PTPRO: variants seen among roughly 807,000 people sequenced by gnomAD.
PTPRO encodes receptor-type tyrosine-protein phosphatase O.
A neutral mutation model predicts 145.2 loss-of-function variants in PTPRO; 62 were observed. The observed-to-expected ratio is 0.43, with a 90% CI of 0.35 to 0.53. The LOEUF (loss-of-function observed/expected upper bound fraction) is 0.53, where lower values mean the gene tolerates loss of function less well. Among genes scored for constraint, PTPRO ranks in the 20% least tolerant of loss-of-function variants. The pLI is 0.01. For missense variants in PTPRO, 1,345 were observed against 1,482.7 expected, an observed-to-expected ratio of 0.91 and a Z score of 1.53; for synonymous variants, 565 against 514.7, an observed-to-expected ratio of 1.10 and a Z score of -1.32.
At chr12:15,533,703 T>C (rs1279775146) in intron 12 of PTPRO, among the ~76,000 whole-genome samples, 2 of 152,204 alleles carry the variant, frequency 1.3e-5, no homozygotes, top group Admixed American at 1.3e-4. Context: ...TTTATGTTTC[T>C]TCCCAGCATT....
chr12:15,464,927 T>A (rs552378916), intron 1 of PTPRO, among the ~76,000 whole-genome samples: 199 of 152,346 alleles, frequency 1.3e-3, no homozygotes, highest in Non-Finnish European at 2.6e-3. Flanking sequence ...AAATCATTTT[T>A]AAAAATTATT....
At chr12:15,460,957 T>C (rs1444975364) in intron 1 of PTPRO, among the ~76,000 whole-genome samples, 1 of 152,320 alleles carries the variant, frequency 6.6e-6, no homozygotes, top group East Asian at 1.9e-4. Context: ...ACCATCTAAA[T>C]GGACTTCCTC....
chr12:15,472,004 T>A (rs1227113497), intron 1 of PTPRO, among the ~76,000 whole-genome samples: 1 of 152,192 alleles, frequency 6.6e-6, no homozygotes, highest in African/African-American at 2.4e-5. Context: ...GTGGATGCAT[T>A]ATGCAATGTC....
intron 12 of PTPRO, among the ~76,000 whole-genome samples, chr12:15,540,791 G>C (rs142199434): frequency 6.6e-6 from 1 of 152,204 alleles, no homozygotes; most frequent in African/African-American, 2.4e-5. Flanking sequence ...GCAACAGCTT[G>C]AGCCTCTCAT....
chr12:15,422,269 GT>G, intron 1 of PTPRO, among the ~76,000 whole-genome samples: 1 of 152,136 alleles, frequency 6.6e-6, no homozygotes, highest in Non-Finnish European at 1.5e-5. Context: ...AGGTTTTCTT[GT>G]TTTTTGTTTG....
intron 1 of PTPRO, among the ~76,000 whole-genome samples, chr12:15,342,637 G>C (rs1366465226): frequency 2.0e-5 from 3 of 152,134 alleles, no homozygotes; most frequent in East Asian, 3.9e-4. Context: ...GTGCCCAGTG[G>C]GGCTTTGCTG....
chr12:15,367,200 A>G (rs944890778), intron 1 of PTPRO, among the ~76,000 whole-genome samples: 30 of 152,328 alleles, frequency 2.0e-4, no homozygotes, highest in African/African-American at 7.0e-4. Context: ...AAAGTAAGAA[A>G]ATTTATAGGC....
chr12:15,342,988 C>T, intron 1 of PTPRO, among the ~76,000 whole-genome samples: 1 of 152,032 alleles, frequency 6.6e-6, no homozygotes, highest in Non-Finnish European at 1.5e-5. Context: ...GCTGGGATCT[C>T]CACTCCCGAC....
At chr12:15,450,070 T>C (rs944925062) in intron 1 of PTPRO, among the ~76,000 whole-genome samples, 6 of 152,246 alleles carry the variant, frequency 3.9e-5, no homozygotes, top group Non-Finnish European at 8.8e-5. Flanking sequence ...TGTCATGCTC[T>C]CTATGTTATA....
intron 9 of PTPRO, among the ~76,000 whole-genome samples, chr12:15,518,779 C>T (rs1311213830): frequency 1.3e-5 from 2 of 152,196 alleles, no homozygotes; most frequent in Non-Finnish European, 2.9e-5. Flanking sequence ...CAGTTCCCGA[C>T]AAGTTCTTCA....
intron 12 of PTPRO, among the ~76,000 whole-genome samples, chr12:15,532,693 C>G (rs1397387181): frequency 6.6e-6 from 1 of 152,170 alleles, no homozygotes; most frequent in Non-Finnish European, 1.5e-5. Context: ...TGGAGAGCAC[C>G]AACTTCCAAC....
intron 2 of PTPRO, among the ~76,000 whole-genome samples, chr12:15,495,157 C>G (rs533271571): frequency 6.6e-6 from 1 of 151,664 alleles, no homozygotes; most frequent in Non-Finnish European, 1.5e-5. Context: ...AAAATTCAAA[C>G]CTTTTAACCA....
chr12:15,455,873 G>T (rs1274279646), intron 1 of PTPRO, among the ~76,000 whole-genome samples: 1 of 152,094 alleles, frequency 6.6e-6, no homozygotes, highest in Non-Finnish European at 1.5e-5. Flanking sequence ...AATTGCTCTG[G>T]CTAGGACTTC....
At chr12:15,409,468 C>G (rs1057185608) in intron 1 of PTPRO, among the ~76,000 whole-genome samples, 14 of 152,104 alleles carry the variant, frequency 9.2e-5, no homozygotes, top group Non-Finnish European at 2.9e-5. Context: ...AGTGACAACC[C>G]ACAGGACGTA....
intron 16 of PTPRO, among the ~76,000 whole-genome samples, chr12:15,557,749 C>T (rs894836207): frequency 1.3e-5 from 2 of 151,784 alleles, no homozygotes; most frequent in African/African-American, 4.8e-5. Context: ...ATTTACAATA[C>T]TAAACAAGGG....
At chr12:15,523,781 AAAAAT>A in intron 10 of PTPRO, among the ~76,000 whole-genome samples, 1 of 152,034 alleles carries the variant, frequency 6.6e-6, no homozygotes, top group South Asian at 2.1e-4. Context: ...CCTCAAAAGT[AAAAAT>A]AAAATAAAAT....
chr12:15,401,019 T>G (rs1939477991), intron 1 of PTPRO, among the ~76,000 whole-genome samples: 1 of 152,238 alleles, frequency 6.6e-6, no homozygotes, highest in Non-Finnish European at 1.5e-5. Context: ...TTTTGTTTTG[T>G]AAGTCATTCT....
Position 15,427,893 on chromosome 12 carries a change from G to A in PTPRO, c.76-56081G>A, listed in dbSNP as rs1940327395. Among the ~76,000 whole-genome samples, 5 of 151,730 alleles carry A rather than the reference G, an allele frequency of 3.3e-5. No homozygotes were observed. In the South Asian group the frequency reaches 1.0e-3, roughly 32 times the overall value. ...TGATCAACTTTCTCCTTTTACATAAGCATATTTGTTGATTTTCCTCAAATA... is the reference window on the plus strand; with the variant it reads ...TGATCAACTTTCTCCTTTTACATAAACATATTTGTTGATTTTCCTCAAATA... On this transcript the variant is annotated intron_variant, in intron 1 of 26. Coordinates refer to ENST00000281171, the MANE Select transcript of PTPRO (RefSeq NM_030667.3).
intron 23 of PTPRO, among the ~76,000 whole-genome samples, chr12:15,586,532 C>G (rs958886123): frequency 1.3e-5 from 2 of 152,148 alleles, no homozygotes; most frequent in Non-Finnish European, 2.9e-5. Flanking sequence ...AAAAGTGTGT[C>G]CCAGGCTGGC....
Sources: allele counts gnomAD v4.1 joint callset (sites outside exome capture counted in the v4.1 genomes callset), GRCh38; gene constraint gnomAD v4.1.1; transcripts MANE v1.5; gene names NCBI Gene and HGNC (gene_info 2026-07-23, HGNC 2026-07-21).